The following CWF19L2 variants were observed in gnomAD, a reference collection of about 807,000 sequenced individuals.
CWF19L2 encodes CWF19-like protein 2.
In CWF19L2, 98 loss-of-function variants were observed where a neutral mutation model predicts 111.7. That is an observed-to-expected ratio of 0.88 (90% CI 0.75 to 1.04). CWF19L2 has a LOEUF of 1.04. Among genes scored for constraint, CWF19L2 ranks in the 50% least tolerant of loss-of-function variants. The pLI is 0.00. For missense variants in CWF19L2, 1,101 were observed against 1,051.4 expected (o/e 1.05, Z -0.65); for synonymous variants, 351 against 342.9 (o/e 1.02, Z -0.26).
At chr11:107,424,454 A>AC (rs1861346735) in intron 8 of CWF19L2, among the ~76,000 whole-genome samples, 1 of 108,304 alleles carries the variant, frequency 9.2e-6, no homozygotes, top group Non-Finnish European at 2.1e-5. Flanking sequence ...CCCTTTTATA[A>AC]TAAAAAAAAA....
At chr11:107,436,795 G>A (rs534642495) in intron 6 of CWF19L2, among the ~76,000 whole-genome samples, 6 of 152,246 alleles carry the variant, frequency 3.9e-5, no homozygotes, top group Non-Finnish European at 7.4e-5. Flanking sequence ...CAGAAGACCT[G>A]GGTTCTAGTA....
At chr11:107,349,898 T>C (rs1293440389) in intron 13 of CWF19L2, among the ~76,000 whole-genome samples, 1 of 152,138 alleles carries the variant, frequency 6.6e-6, no homozygotes, top group East Asian at 1.9e-4. Context: ...GGTATGTCTA[T>C]AGACAACTTA....
chr11:107,417,089 T>C (rs1861237623), intron 9 of CWF19L2, among the ~76,000 whole-genome samples: 1 of 152,168 alleles, frequency 6.6e-6, no homozygotes, highest in South Asian at 2.1e-4. Flanking sequence ...CACAGAAATA[T>C]CTTGTTTGGT....
intron 12 of CWF19L2, among the ~76,000 whole-genome samples, chr11:107,362,263 G>A (rs1860361522): frequency 4.6e-5 from 7 of 152,114 alleles, no homozygotes; most frequent in Admixed American, 3.9e-4. Flanking sequence ...GCCCGCCATT[G>A]CCCAGGCTTG....
chr11:107,406,399 C>T lies in CWF19L2; in HGVS notation c.1617+9810G>A, dbSNP rs571978916. Among the ~76,000 whole-genome samples the T allele has an allele frequency of 1.2e-3, 185 of 152,140 alleles. 2 individuals carry two copies. The highest frequency in any genetic ancestry group is 2.1e-3 in the Non-Finnish European group (145 of 67,992). On this transcript the variant is annotated intron_variant, in intron 10 of 17. Coordinates refer to ENST00000282251, the MANE Select transcript of CWF19L2 (RefSeq NM_152434.3). ...GGCTTTTGAATAATTTCTACTTTATCTCTAATTATGTCCACAAGTTGTTCC... is the reference window on the plus strand; with the variant it reads ...GGCTTTTGAATAATTTCTACTTTATTTCTAATTATGTCCACAAGTTGTTCC...
chr11:107,361,187 C>A (rs922047398), intron 12 of CWF19L2, among the ~76,000 whole-genome samples: 1 of 152,302 alleles, frequency 6.6e-6, no homozygotes, highest in African/African-American at 2.4e-5. Context: ...ACCAATTTTC[C>A]CAGCACCATT....
chr11:107,346,930 C>T (rs1054757563), intron 14 of CWF19L2, among the ~76,000 whole-genome samples: 1 of 152,160 alleles, frequency 6.6e-6, no homozygotes. Context: ...CTAACATTGG[C>T]TATTTCCTAA....
intron 10 of CWF19L2, among the ~76,000 whole-genome samples, chr11:107,409,269 C>T (rs945639178): frequency 2.6e-5 from 4 of 151,978 alleles, no homozygotes; most frequent in African/African-American, 9.7e-5. Context: ...AATAACTAGT[C>T]AAGTACCTGA....
In CWF19L2 at chr11:107,442,832, GAGAGGGACAGA is replaced by G; in HGVS notation, c.450+96_450+106del. 5.5e-6 allele frequency: 3 copies of G among 541,240 alleles called. No homozygotes were observed. The Admixed American group carries it at 8.0e-5, about 14-fold the overall frequency. 33.5% of individuals were successfully genotyped at this position (541,240 alleles called of 1,614,324 possible). A position where few individuals can be genotyped will look rare whatever the true frequency, so the allele number is the denominator to read the frequency against. On this transcript the variant is annotated intron_variant, in intron 4 of 17. Transcript: ENST00000282251. ...GGAGGGAGGGAGGGGGAGGGAGGGA[GAGAGGGACAGA>G]GAGGGAGGGAGGGATAGAGAGGGAA...
rs370930551 is a variant in CWF19L2 at position 107,441,513 on chromosome 11, G to T, written c.560C>A (p.Ala187Glu). The T allele has an allele frequency of 6.5e-7, 1 of 1,533,728 alleles. No homozygotes were observed. Among genetic ancestry groups the T allele is most frequent in the South Asian group, 1.3e-5 (1 of 79,932 alleles). Residue 187 changes from alanine (A) to glutamate (E), a missense_variant, in exon 5 of 18, where the codon GCG becomes GAG. By Grantham distance (107) the Ala-to-Glu change is moderately radical. Transcript: ENST00000282251. Reference protein sequence around the residue: ...MRKIEQEKNQALEQSKLMERE... With the variant: ...MRKIEQEKNQELEQSKLMERE... ...CAAATATTCTCTTACCTGTTCAAGC[G>T]CTTGGTTTTTCTCTTGCTCTATTTT...
At chr11:107,357,582 G>C (rs1459510910) in intron 12 of CWF19L2, among the ~76,000 whole-genome samples, 2 of 152,104 alleles carry the variant, frequency 1.3e-5, no homozygotes, top group African/African-American at 4.8e-5. Context: ...TTTATTTGTA[G>C]TGTTTGAATT....
chr11:107,414,686 A>G (rs574397673), intron 10 of CWF19L2, among the ~76,000 whole-genome samples: 5 of 152,200 alleles, frequency 3.3e-5, no homozygotes, highest in African/African-American at 7.2e-5. Flanking sequence ...CCACAACTCA[A>G]TTAATGGCTA....
intron 14 of CWF19L2, among the ~76,000 whole-genome samples, chr11:107,341,125 A>G (rs1212389776): frequency 6.6e-6 from 1 of 152,166 alleles, no homozygotes; most frequent in Non-Finnish European, 1.5e-5. Flanking sequence ...TCCAGGGTCT[A>G]TTTAGTGCCA....
intron 12 of CWF19L2, among the ~76,000 whole-genome samples, chr11:107,386,627 C>T (rs532307481): frequency 1.4e-4 from 21 of 152,184 alleles, no homozygotes; most frequent in Non-Finnish European, 2.9e-4. Flanking sequence ...AACACCACAC[C>T]CTTGGTTTTC....
intron 12 of CWF19L2, among the ~76,000 whole-genome samples, chr11:107,362,325 G>T (rs1206951701): frequency 3.3e-5 from 5 of 151,876 alleles, no homozygotes; most frequent in African/African-American, 1.2e-4. Context: ...GCCCACCACA[G>T]CTCAAGGAGG....
rs772035470 is a variant in CWF19L2, at chr11:107,418,288, C to T, written c.1434-1G>A. On this transcript the variant is annotated splice_acceptor_variant, in intron 8 of 17. Transcript: ENST00000282251. LOFTEE classifies it high-confidence loss of function. Reference sequence around the variant, plus strand: ...GTGAATGGACTCACGCTCTGGACTGCTATTGGAATAGGAAAGATTAACAGC... The same window carrying T: ...GTGAATGGACTCACGCTCTGGACTGTTATTGGAATAGGAAAGATTAACAGC... The T allele has an allele frequency of 3.1e-6, 5 of 1,599,810 alleles. No individual in the cohort carries two copies. The East Asian group carries it at 1.1e-4, about 36-fold the overall frequency.
intron 3 of CWF19L2, among the ~76,000 whole-genome samples, chr11:107,444,589 T>C (rs1285500668): frequency 6.6e-6 from 1 of 152,244 alleles, no homozygotes; most frequent in Non-Finnish European, 1.5e-5. Context: ...TCTGATCGCC[T>C]GAACTACAAT....
Position 107,437,764 on chromosome 11 carries a change from A to C in CWF19L2, c.664+1326T>G, listed in dbSNP as rs908037875. ...TTCTCCACTCAGTAAAGAACCTGTC[A>C]ACTGGCAAGATCCAAAGATTGGGTT... On this transcript the variant is annotated intron_variant, in intron 6 of 17. Transcript: ENST00000282251. 6.6e-5 allele frequency among the ~76,000 whole-genome samples: 10 copies of C among 152,320 alleles called. No homozygotes were observed. In the South Asian group the frequency reaches 1.2e-3, roughly 19 times the overall value.
At chr11:107,360,831 C>T (rs1396264100) in intron 12 of CWF19L2, among the ~76,000 whole-genome samples, 5 of 152,094 alleles carry the variant, frequency 3.3e-5, no homozygotes, top group Admixed American at 3.3e-4. Flanking sequence ...TTTAGTGGGA[C>T]TATTTGTTGT....
Sources: gnomAD v4.1 joint callset for allele counts (sites outside exome capture counted in the v4.1 genomes callset) on GRCh38, gnomAD v4.1.1 for gene constraint, MANE v1.5 for transcripts, NCBI Gene and HGNC (gene_info 2026-07-23, HGNC 2026-07-21) for gene names.